PACRG: variants seen among roughly 807,000 people sequenced by gnomAD.
PACRG encodes parkin coregulated gene protein.
A neutral mutation model predicts 29.7 loss-of-function variants in PACRG; 29 were observed. The ratio of observed to expected loss-of-function variants is 0.98; its 90% CI spans 0.73 to 1.33. The LOEUF is 1.33. Among genes scored for constraint, PACRG ranks in the 40% most tolerant of loss-of-function variants. The probability of loss-of-function intolerance (pLI) is 0.00; values close to 1 mark genes in which losing one functional copy is unlikely to be tolerated. For missense variants in PACRG, 279 were observed against 316.2 expected, an observed-to-expected ratio of 0.88 and a Z score of 0.89; for synonymous variants, 116 against 118.7, an observed-to-expected ratio of 0.98 and a Z score of 0.15.
chr6:163,061,088 C>T (rs1314131097), intron 2 of PACRG, among the ~76,000 whole-genome samples: 1 of 152,082 alleles, frequency 6.6e-6, no homozygotes, highest in African/African-American at 2.4e-5. Context: ...TGATGGGCTC[C>T]TCACTTGATT....
chr6:163,309,182 A>G (rs965072073), intron 4 of PACRG, among the ~76,000 whole-genome samples: 1 of 152,236 alleles, frequency 6.6e-6, no homozygotes, highest in Non-Finnish European at 1.5e-5. Context: ...CTCAAGCGCC[A>G]TGTGTGCAAA....
At chr6:163,080,150 G>A (rs886640441) in intron 3 of PACRG, among the ~76,000 whole-genome samples, 12 of 151,818 alleles carry the variant, frequency 7.9e-5, no homozygotes, top group South Asian at 4.2e-4. Context: ...TGCCCGCCTC[G>A]GCCTCCCAAA....
At chr6:162,754,422 C>T (rs987302987) in intron 1 of PACRG, among the ~76,000 whole-genome samples, 4 of 152,036 alleles carry the variant, frequency 2.6e-5, no homozygotes, top group South Asian at 2.1e-4. Context: ...GTTGTCTCTT[C>T]GGTTTGTTAT....
At chr6:163,069,010 A>G (rs1432960885) in intron 3 of PACRG, among the ~76,000 whole-genome samples, 2 of 152,110 alleles carry the variant, frequency 1.3e-5, no homozygotes, top group Non-Finnish European at 2.9e-5. Flanking sequence ...TCAACAGGTA[A>G]TATACTGGCT....
In PACRG at chr6:162,787,582, G is replaced by GTATCTATATA. The variant is rs1554279249; in HGVS notation, c.157-26562_157-26561insCTATATATAT. On this transcript the variant is annotated intron_variant, in intron 1 of 4. Coordinates refer to ENST00000366888, the MANE Select transcript of PACRG (RefSeq NM_001080379.2). ...ATTGTGTGTGTGTGTGTGTGTGTGTGTATATATATATATATATATATATAT... is the reference window on the plus strand; with the variant it reads ...ATTGTGTGTGTGTGTGTGTGTGTGTGTATCTATATATATATATATATATATATATATATAT... 1.1e-3 allele frequency among the ~76,000 whole-genome samples: 68 copies of GTATCTATATA among 62,408 alleles called. 1 individual carries two copies. The highest frequency in any genetic ancestry group is 2.1e-3 in the Admixed American group (11 of 5,260). 40.9% of individuals were successfully genotyped at this position (62,408 alleles called of 152,430 possible).
chr6:162,889,946 A>G (rs1794634480), intron 2 of PACRG, among the ~76,000 whole-genome samples: 1 of 152,280 alleles, frequency 6.6e-6, no homozygotes, highest in African/African-American at 2.4e-5. Context: ...GAGTCAACAG[A>G]CATTGTAATG....
At chr6:163,122,431 G>C (rs1313868815) in intron 4 of PACRG, among the ~76,000 whole-genome samples, 1 of 152,202 alleles carries the variant, frequency 6.6e-6, no homozygotes, top group African/African-American at 2.4e-5. Flanking sequence ...GGCGGTGTTT[G>C]GGTGGTACAG....
chr6:162,971,411 G>A (rs1801518265), intron 2 of PACRG, among the ~76,000 whole-genome samples: 1 of 152,142 alleles, frequency 6.6e-6, no homozygotes, highest in African/African-American at 2.4e-5. Flanking sequence ...AACCACAGCG[G>A]CATTATGAAG....
intron 4 of PACRG, among the ~76,000 whole-genome samples, chr6:163,295,561 GA>G (rs1784754855): frequency 6.6e-6 from 1 of 152,198 alleles, no homozygotes; most frequent in Non-Finnish European, 1.5e-5. Flanking sequence ...GGAAGTGAAA[GA>G]AAGTAACATT....
At chr6:163,283,240 G>A (rs1784278467) in intron 4 of PACRG, among the ~76,000 whole-genome samples, 1 of 152,192 alleles carries the variant, frequency 6.6e-6, no homozygotes, top group Admixed American at 6.5e-5. Context: ...TGGCAGATGT[G>A]TATTTTAGTG....
rs994290949 is a variant in PACRG at position 162,829,775 on chromosome 6, G to A, written c.291+15494G>A. Among the ~76,000 whole-genome samples, 5 of 152,126 alleles carry A rather than the reference G, an allele frequency of 3.3e-5. No individual in the cohort carries two copies. The South Asian group carries it at 8.3e-4, about 25-fold the overall frequency. Reference sequence around the variant, plus strand: ...CCTCACATATGAGGGTCTTATGACCGGCTTTAGGAAAACAAGGTGGGAGAA... The same window carrying A: ...CCTCACATATGAGGGTCTTATGACCAGCTTTAGGAAAACAAGGTGGGAGAA... On this transcript the variant is annotated intron_variant, in intron 2 of 4. Transcript: ENST00000366888.
chr6:163,128,807 G>T (rs71567693), intron 4 of PACRG, among the ~76,000 whole-genome samples: 4 of 152,076 alleles, frequency 2.6e-5, no homozygotes, highest in African/African-American at 7.2e-5. Context: ...TCCATTTACC[G>T]CTCAGTAAGC....
intron 4 of PACRG, among the ~76,000 whole-genome samples, chr6:163,151,890 G>A (rs940748107): frequency 2.0e-5 from 3 of 152,164 alleles, no homozygotes; most frequent in African/African-American, 7.2e-5. Context: ...CCTAACGAAT[G>A]CTTAGAAGAT....
At chr6:162,858,868 C>CAG (rs1791621246) in intron 2 of PACRG, among the ~76,000 whole-genome samples, 3 of 152,144 alleles carry the variant, frequency 2.0e-5, no homozygotes, top group Non-Finnish European at 2.9e-5. Flanking sequence ...GCCTTCCCTG[C>CAG]GGTCATGGCC....
intron 2 of PACRG, among the ~76,000 whole-genome samples, chr6:162,967,480 G>T (rs1801137993): frequency 6.6e-6 from 1 of 151,690 alleles, no homozygotes; most frequent in Non-Finnish European, 1.5e-5. Flanking sequence ...TTGATCAATA[G>T]ATTTTGGTAG....
chr6:163,210,775 T>C (rs1363062619), intron 4 of PACRG, among the ~76,000 whole-genome samples: 3 of 152,194 alleles, frequency 2.0e-5, no homozygotes, highest in Non-Finnish European at 4.4e-5. Flanking sequence ...AAAACTCTCT[T>C]CAGTTCAATG....
rs936162495 is a variant in PACRG at position 162,853,710 on chromosome 6, G to A, written c.291+39429G>A. Among the ~76,000 whole-genome samples, 2 of 152,120 alleles carry A rather than the reference G, an allele frequency of 1.3e-5. No individual in the cohort carries two copies. Among genetic ancestry groups the A allele is most frequent in the African/African-American group, 2.4e-5 (1 of 41,424 alleles). On this transcript the variant is annotated intron_variant, in intron 2 of 4. Transcript: ENST00000366888. This position sits in a 1 kb window ranked among gnomAD's most constrained non-coding sequence, Gnocchi z 4.7. ...TATGTACAACAAACGCCCATGATGCGTGTTTGTCTATGTAACAAACCTTCA... is the reference window on the plus strand; with the variant it reads ...TATGTACAACAAACGCCCATGATGCATGTTTGTCTATGTAACAAACCTTCA...
intron 4 of PACRG, among the ~76,000 whole-genome samples, chr6:163,135,876 A>G (rs1816917200): frequency 6.6e-6 from 1 of 152,202 alleles, no homozygotes; most frequent in African/African-American, 2.4e-5. Context: ...ATTTTTCCCA[A>G]TGACTAGTGA....
At chr6:163,021,332 G>C (rs969307847) in intron 2 of PACRG, among the ~76,000 whole-genome samples, 2 of 152,208 alleles carry the variant, frequency 1.3e-5, no homozygotes, top group Non-Finnish European at 2.9e-5. Context: ...CAGTACCCAA[G>C]ATAGAAGCCA....
Sources: allele counts gnomAD v4.1 joint callset (sites outside exome capture counted in the v4.1 genomes callset), GRCh38; gene constraint gnomAD v4.1.1; non-coding constraint Gnocchi (gnomAD v3.1); transcripts MANE v1.5; gene names NCBI Gene and HGNC (gene_info 2026-07-23, HGNC 2026-07-21).